Variants in NLGN1 observed in about 807,000 individuals in gnomAD.
NLGN1 encodes the protein neuroligin-1.
NLGN1 carries 12 observed loss-of-function variants against 65.5 expected under a neutral mutation model. That is an observed-to-expected ratio of 0.18 (90% CI 0.12 to 0.30). The LOEUF (loss-of-function observed/expected upper bound fraction) is 0.30, where lower values mean the gene tolerates loss of function less well. Among genes scored for constraint, NLGN1 ranks in the 10% least tolerant of loss-of-function variants. The pLI, the probability that NLGN1 is intolerant of heterozygous loss-of-function variation, is 1.00. For synonymous variants in NLGN1, 350 were observed against 359.5 expected (o/e 0.97, Z 0.30); for missense variants, 750 against 1,007.1 (o/e 0.74, Z 3.46).
At chr3:173,970,286 G>A (rs1435295646) in intron 4 of NLGN1, among the ~76,000 whole-genome samples, 1 of 152,102 alleles carries the variant, frequency 6.6e-6, no homozygotes, top group East Asian at 1.9e-4. Context: ...ATATTTTGTG[G>A]TAAATGCAGT....
At chr3:173,543,184 A>G (rs1739184851) in intron 2 of NLGN1, among the ~76,000 whole-genome samples, 1 of 152,138 alleles carries the variant, frequency 6.6e-6, no homozygotes. Flanking sequence ...ATGTTTTTGA[A>G]CCAGAAATCT....
At position 173,508,219 on chromosome 3, in the gene NLGN1, G is replaced by A. The variant is rs151179824; in HGVS notation, c.-321+73141G>A. Among the ~76,000 whole-genome samples, 1,455 of 152,174 alleles carry A rather than the reference G, an allele frequency of 9.6e-3. 6 individuals carry two copies. The highest frequency in any genetic ancestry group is 0.016 in the Non-Finnish European group (1,097 of 67,996). ...TCTCTTTGTAATTTTGGTTCATAAT[G>A]TTAGTGTTATGATTAGCAATTCTTT... On this transcript the variant is annotated intron_variant, in intron 2 of 6. Coordinates refer to ENST00000457714, the Ensembl canonical transcript of NLGN1.
chr3:174,185,231 A>G (rs995645387), intron 4 of NLGN1, among the ~76,000 whole-genome samples: 4 of 152,094 alleles, frequency 2.6e-5, no homozygotes, highest in African/African-American at 9.7e-5. Context: ...ATTTATCCAT[A>G]TGCCATAATT....
intron 2 of NLGN1, among the ~76,000 whole-genome samples, chr3:173,593,397 G>A (rs770951328): frequency 9.2e-5 from 14 of 152,014 alleles, no homozygotes; most frequent in Non-Finnish European, 1.8e-4. Flanking sequence ...TGTTCACGTC[G>A]TCCTCTCCAA....
intron 2 of NLGN1, among the ~76,000 whole-genome samples, chr3:173,573,906 A>T (rs984273189): frequency 3.3e-5 from 5 of 151,628 alleles, no homozygotes; most frequent in African/African-American, 1.2e-4. Flanking sequence ...TACTAAAAAT[A>T]CAAAAAATTA....
At chr3:173,922,654 T>A (rs1579208480) in intron 4 of NLGN1, among the ~76,000 whole-genome samples, 1 of 152,064 alleles carries the variant, frequency 6.6e-6, no homozygotes, top group Non-Finnish European at 1.5e-5. Context: ...ATGGAGGAGA[T>A]GGAAGATTTT....
chr3:173,907,049 A>G (rs543456283), intron 4 of NLGN1, among the ~76,000 whole-genome samples: 16 of 152,250 alleles, frequency 1.1e-4, no homozygotes, highest in Middle Eastern at 3.4e-3. Flanking sequence ...AGATCTTCCC[A>G]ATCTCCCAGG....
chr3:173,611,796 C>T (rs1353891735), intron 3 of NLGN1, among the ~76,000 whole-genome samples: 2 of 151,962 alleles, frequency 1.3e-5, no homozygotes, highest in African/African-American at 4.8e-5. Flanking sequence ...TTCAATTTTT[C>T]CAAAGAATAA....
chr3:173,628,506 G>A (rs1278917428), intron 3 of NLGN1, among the ~76,000 whole-genome samples: 1 of 151,894 alleles, frequency 6.6e-6, no homozygotes, highest in East Asian at 1.9e-4. Context: ...ACAAAGTAAA[G>A]TTTTACATAT....
At chr3:174,275,665 A>G in intron 5 of NLGN1, 138 bp downstream of exon 5, 2 of 621,600 alleles carry the variant, frequency 3.2e-6, no homozygotes, top group Non-Finnish European at 5.6e-6. Context: ...TTGTTTCTTC[A>G]GTTTTTCTGT....
At chr3:173,802,573 A>G (rs77555952) in intron 3 of NLGN1, among the ~76,000 whole-genome samples, 6,951 of 152,254 alleles carry the variant, frequency 0.046, 393 homozygotes, top group East Asian at 0.18. Flanking sequence ...TATTTTGTAG[A>G]TGTGACTGTG....
intron 3 of NLGN1, among the ~76,000 whole-genome samples, chr3:173,671,097 A>G (rs562614750): frequency 6.6e-6 from 1 of 152,300 alleles, no homozygotes; most frequent in East Asian, 1.9e-4. Context: ...TCACTCTTAA[A>G]TACTTATGTG....
At chr3:173,570,112 A>G (rs529224747) in intron 2 of NLGN1, among the ~76,000 whole-genome samples, 1 of 152,276 alleles carries the variant, frequency 6.6e-6, no homozygotes, top group South Asian at 2.1e-4. Context: ...AGAAGGGGTC[A>G]AGAGTGGCAG....
chr3:174,183,659 T>C (rs969897615), intron 4 of NLGN1, among the ~76,000 whole-genome samples: 1 of 151,858 alleles, frequency 6.6e-6, no homozygotes, highest in African/African-American at 2.4e-5. Flanking sequence ...ATTTACTACT[T>C]ACATGTTAAG....
rs71635772 is a variant in NLGN1 at position 173,786,551 on chromosome 3, T to TAC, written c.494-21113_494-21112dup. Among the ~76,000 whole-genome samples the TAC allele has an allele frequency of 5.8e-4, 87 of 151,066 alleles. 1 individual carries two copies. Among genetic ancestry groups the TAC allele is most frequent in the Admixed American group, 1.5e-3 (22 of 15,142 alleles). ...GAACCCATGTATCATATGTGTGTAA[T>TAC]ACACACACACACACACAAAACCCAT... is the stretch of plus-strand genomic sequence containing the variant. On this transcript the variant is annotated intron_variant, in intron 3 of 6. Transcript: ENST00000457714.
intron 4 of NLGN1, among the ~76,000 whole-genome samples, chr3:174,024,837 A>G (rs750817340): frequency 7.9e-5 from 12 of 152,238 alleles, no homozygotes; most frequent in Non-Finnish European, 1.5e-4. Flanking sequence ...TGGCTCTAAT[A>G]GTGATGCCAT....
chr3:174,256,765 A>T (rs750294856), intron 4 of NLGN1, among the ~76,000 whole-genome samples: 4 of 152,192 alleles, frequency 2.6e-5, no homozygotes, highest in African/African-American at 4.8e-5. Flanking sequence ...TCAATTCAAG[A>T]TGGATTAAAG....
rs555816404 is a variant in NLGN1 at position 173,550,819 on chromosome 3, G to A, written c.-320-53460G>A. Among the ~76,000 whole-genome samples the A allele has an allele frequency of 8.5e-5, 13 of 152,210 alleles. No individual in the cohort carries two copies. In the South Asian group the frequency reaches 2.7e-3, roughly 32 times the overall value. ...TAGGGTACTATTCAGAAACATTATA[G>A]ACATTGAATGGCTGTGATTCATTAA... On this transcript the variant is annotated intron_variant, in intron 2 of 6. Transcript: ENST00000457714.
intron 2 of NLGN1, among the ~76,000 whole-genome samples, chr3:173,480,718 C>T (rs1727139246): frequency 6.6e-6 from 1 of 152,048 alleles, no homozygotes; most frequent in South Asian, 2.1e-4. Flanking sequence ...AATTATTCCA[C>T]TCAATTAGTC....
Sources: gnomAD v4.1 joint callset for allele counts (sites outside exome capture counted in the v4.1 genomes callset) on GRCh38, gnomAD v4.1.1 for gene constraint, MANE v1.5 for transcripts, NCBI Gene and HGNC (gene_info 2026-07-23, HGNC 2026-07-21) for gene names.